The following UGGT1 variants were observed in gnomAD, a reference collection of about 807,000 sequenced individuals.
UGGT1 encodes the protein UDP-glucose glycoprotein glucosyltransferase 1, also known as UDP-glucose:glycoprotein glucosyltransferase 1.
Under a neutral mutation model 203.9 loss-of-function variants are expected in UGGT1, and 107 were observed. The ratio of observed to expected loss-of-function variants is 0.52; its 90% CI spans 0.45 to 0.62. UGGT1 has a LOEUF of 0.62. Ranked by LOEUF, UGGT1 falls within the 20% of genes least tolerant of loss-of-function variation. UGGT1 has a pLI of 0.00. For synonymous variants in UGGT1, 628 were observed against 653.5 expected (o/e 0.96, Z 0.59); for missense variants, 1,673 against 1,867.2 (o/e 0.90, Z 1.92).
chr2:128,181,138 G>T, intron 36 of UGGT1, 66 bp downstream of exon 36: 1 of 1,469,310 alleles, frequency 6.8e-7, no homozygotes, highest in Non-Finnish European at 9.3e-7. Context: ...CTTTTTAAAT[G>T]CTATTTTTTC....
At chr2:128,128,794 A>T (rs542859175) in intron 12 of UGGT1, among the ~76,000 whole-genome samples, 1 of 152,344 alleles carries the variant, frequency 6.6e-6, no homozygotes. Flanking sequence ...GTAAATACAT[A>T]TGCAGTTATA....
At chr2:128,095,442 C>T (rs377186373) in intron 1 of UGGT1, among the ~76,000 whole-genome samples, 12 of 102,276 alleles carry the variant, frequency 1.2e-4, no homozygotes, top group Non-Finnish European at 1.6e-4. Flanking sequence ...CCTTCTCTTC[C>T]TCCTTCTTTC....
chr2:128,131,384 C>G (rs916785366), intron 13 of UGGT1, among the ~76,000 whole-genome samples: 1 of 152,122 alleles, frequency 6.6e-6, no homozygotes, highest in Admixed American at 6.6e-5. Context: ...TGAAACCCTG[C>G]TGGAATGCAG....
chr2:128,177,569 C>T (rs17793537), intron 32 of UGGT1, among the ~76,000 whole-genome samples: 1,648 of 152,296 alleles, frequency 0.011, 24 homozygotes, highest in African/African-American at 0.027. Context: ...GAGTTTGCGG[C>T]TCTTTGCCTA....
chr2:128,100,034 TA>T (rs1687303547), intron 2 of UGGT1, among the ~76,000 whole-genome samples: 1 of 16,552 alleles, frequency 6.0e-5, no homozygotes, highest in Non-Finnish European at 1.6e-4. Context: ...CCCCCCACCC[TA>T]CTTATTTTTT....
chr2:128,146,100 G>C (rs1266327231), intron 18 of UGGT1, 133 bp downstream of exon 18: 10 of 1,076,078 alleles, frequency 9.3e-6, no homozygotes, highest in Non-Finnish European at 1.3e-6. Flanking sequence ...TTGAGGGTAG[G>C]AAGTCTGAGA....
chr2:128,110,622 AC>A (rs1171294290), intron 5 of UGGT1, among the ~76,000 whole-genome samples: 1 of 152,328 alleles, frequency 6.6e-6, no homozygotes, highest in East Asian at 1.9e-4. Context: ...AATAATGCAC[AC>A]CTTTATGAAG....
intron 17 of UGGT1, 185 bp from the exon 18 acceptor site, chr2:128,145,618 A>G (rs1372928640): frequency 5.0e-6 from 3 of 596,466 alleles, no homozygotes; most frequent in Non-Finnish European, 8.0e-6. Flanking sequence ...TCTCAGATTT[A>G]CATAGTAGGA....
chr2:128,148,092 C>T (rs557422111), intron 18 of UGGT1, among the ~76,000 whole-genome samples: 118 of 151,992 alleles, frequency 7.8e-4, no homozygotes, highest in Non-Finnish European at 6.9e-4. Flanking sequence ...GACAGAGTTT[C>T]GCTCTATTGC....
chr2:128,106,321 A>T, intron 3 of UGGT1, among the ~76,000 whole-genome samples: 1 of 152,144 alleles, frequency 6.6e-6, no homozygotes. Flanking sequence ...TGATAATATT[A>T]ATTAAAGCTA....
intron 5 of UGGT1, among the ~76,000 whole-genome samples, chr2:128,111,789 C>T (rs1163526848): frequency 1.3e-5 from 2 of 151,796 alleles, no homozygotes; most frequent in African/African-American, 2.4e-5. Flanking sequence ...GCCACCACGA[C>T]CGGCCTATAC....
intron 32 of UGGT1, among the ~76,000 whole-genome samples, chr2:128,177,272 C>T (rs1203041596): frequency 6.6e-6 from 1 of 152,032 alleles, no homozygotes; most frequent in African/African-American, 2.4e-5. Flanking sequence ...CTTGTACTTT[C>T]CGTTCTCTGA....
rs1428834443 is a variant in UGGT1, at chr2:128,159,679, G to A, written c.2521G>A (p.Ala841Thr). The A allele has an allele frequency of 6.2e-7, 1 of 1,613,994 alleles. No individual in the cohort carries two copies. Among genetic ancestry groups the A allele is most frequent in the Non-Finnish European group, 8.5e-7 (1 of 1,180,026 alleles). ...AATGGCCAAGGAGGGGGCTGCAGAGGCCCTGGCTGCAGGAGCTGACATTGC... is the reference window on the plus strand; with the variant it reads ...AATGGCCAAGGAGGGGGCTGCAGAGACCCTGGCTGCAGGAGCTGACATTGC... ...TKMAKEGAAE[A>T]LAAGADIAEF... The change falls in exon 23 of 41, where the codon GCC (alanine) becomes ACC (threonine). Residue 841 changes from alanine to threonine, a missense_variant. This residue lies in a region of UGGT1 where 1,073 missense variants were observed against 1,078.7 expected (regional missense o/e 0.99). Coordinates refer to ENST00000259253, the MANE Select transcript of UGGT1 (RefSeq NM_020120.4).
intron 10 of UGGT1, among the ~76,000 whole-genome samples, chr2:128,122,241 G>T (rs1303342455): frequency 6.6e-6 from 1 of 151,418 alleles, no homozygotes; most frequent in South Asian, 2.1e-4. Flanking sequence ...GTGCTCAAAA[G>T]GGGGAAGTGG....
At chr2:128,150,220 G>C (rs1284547141) in intron 18 of UGGT1, among the ~76,000 whole-genome samples, 1 of 152,142 alleles carries the variant, frequency 6.6e-6, no homozygotes, top group Non-Finnish European at 1.5e-5. Flanking sequence ...AGGATTAGTT[G>C]AGCCCAGGAG....
intron 30 of UGGT1, among the ~76,000 whole-genome samples, chr2:128,174,239 C>T (rs1343072633): frequency 2.0e-5 from 3 of 151,678 alleles, no homozygotes; most frequent in Non-Finnish European, 4.4e-5. Context: ...ATGCATCACA[C>T]GTTGATTCTT....
intron 3 of UGGT1, among the ~76,000 whole-genome samples, chr2:128,107,348 C>G (rs1687652862): frequency 6.6e-6 from 1 of 151,986 alleles, no homozygotes; most frequent in Admixed American, 6.6e-5. Context: ...TCAAACTTTA[C>G]AATTTCATTA....
rs1429108218 is a variant in UGGT1, at chr2:128,157,247, T to C, written c.2261-5T>C. The C allele has an allele frequency of 6.2e-7, 1 of 1,612,534 alleles. No individual in the cohort carries two copies. The highest frequency in any genetic ancestry group is 8.5e-7 in the Non-Finnish European group (1 of 1,178,660). On this transcript the variant is annotated splice_polypyrimidine_tract_variant and splice_region_variant and intron_variant, in intron 21 of 40. Coordinates refer to ENST00000259253, the MANE Select transcript of UGGT1 (RefSeq NM_020120.4). ...ACTCAATTAGCTGTTTTTGTTTTTC[T>C]ACAGATGATTCTTTTATTAGGCCAG...
rs1325564409 is a variant in UGGT1 at position 128,116,293 on chromosome 2, T to C, written c.822T>C (p.Gly274=). ...KGTEVNTTVI[G]ENDPIDEVQG... is the part of the protein sequence containing the mutation. ...CTGAGGTAAACACCACAGTGATTGG[T>C]GAAAATGATCCTATTGATGAGGTTC... The change falls in exon 8 of 41, where the codon GGT becomes GGC. Residue 274 remains glycine, a synonymous_variant. Coordinates refer to ENST00000259253, the MANE Select transcript of UGGT1 (RefSeq NM_020120.4). The C allele has an allele frequency of 6.2e-7, 1 of 1,611,016 alleles. No homozygotes were observed. Among genetic ancestry groups the C allele is most frequent in the South Asian group, 1.1e-5 (1 of 91,002 alleles).
Sources: allele counts gnomAD v4.1 joint callset (sites outside exome capture counted in the v4.1 genomes callset), GRCh38; gene constraint gnomAD v4.1.1; regional missense constraint gnomAD v4.1.1; transcripts MANE v1.5; gene names NCBI Gene and HGNC (gene_info 2026-07-23, HGNC 2026-07-21).